The following EYS variants were observed in gnomAD, a reference collection of about 807,000 sequenced individuals.
The protein encoded by EYS is EGF-like photoreceptor maintenance factor.
Under a neutral mutation model 282.1 loss-of-function variants are expected in EYS, and 250 were observed. The observed-to-expected ratio is 0.89, with a 90% CI of 0.80 to 0.98. The LOEUF is 0.98. EYS is among the 50% of genes least tolerant of loss of function. The pLI, the probability that EYS is intolerant of heterozygous loss-of-function variation, is 0.00. For synonymous variants in EYS, 1,355 were observed against 1,282.9 expected (o/e 1.06, Z -1.20); for missense variants, 4,016 against 3,709.0 (o/e 1.08, Z -2.15).
chr6:65,672,234 G>A (rs931010694), intron 1 of EYS, among the ~76,000 whole-genome samples: 5 of 152,072 alleles, frequency 3.3e-5, no homozygotes, highest in African/African-American at 9.7e-5. Flanking sequence ...TTGTTTACTT[G>A]CTAGTCTCAG....
chr6:64,391,063 G>C (rs1460806969), intron 28 of EYS, among the ~76,000 whole-genome samples: 6 of 152,098 alleles, frequency 3.9e-5, no homozygotes, highest in Non-Finnish European at 7.4e-5. Context: ...AGCGAGAAGG[G>C]AAGTTTAGAG....
chr6:65,699,516 T>C (rs1197267840), intron 1 of EYS, among the ~76,000 whole-genome samples: 4 of 152,268 alleles, frequency 2.6e-5, no homozygotes, highest in Middle Eastern at 3.4e-3. Context: ...ATGTAAGTAG[T>C]AGTCATGTAC....
In EYS at chr6:65,257,946, G is replaced by A. The variant is rs537691724; in HGVS notation, c.2023+37917C>T. Among the ~76,000 whole-genome samples, 26 of 152,042 alleles carry A rather than the reference G, an allele frequency of 1.7e-4. No homozygotes were observed. In the East Asian group the frequency reaches 4.9e-3, roughly 28 times the overall value. On this transcript the variant is annotated intron_variant, in intron 12 of 42. Coordinates refer to ENST00000503581, the MANE Select transcript of EYS (RefSeq NM_001142800.2). ...GTATTGATAGCATGATCAGGTGACT[G>A]TAGTCAACAAGAAATTATTGTACAT...
At chr6:64,979,820 A>G (rs1331991727) in intron 14 of EYS, among the ~76,000 whole-genome samples, 1 of 151,678 alleles carries the variant, frequency 6.6e-6, no homozygotes, top group Non-Finnish European at 1.5e-5. Flanking sequence ...TAAAAGATAT[A>G]CTATTGTATA....
chr6:65,341,185 T>C (rs1360394799), intron 10 of EYS, among the ~76,000 whole-genome samples: 6 of 151,194 alleles, frequency 4.0e-5, no homozygotes, highest in Non-Finnish European at 5.9e-5. Flanking sequence ...ATCACATCAC[T>C]CTGGTGTTCC....
At chr6:65,088,713 A>T (rs554072374) in intron 12 of EYS, among the ~76,000 whole-genome samples, 1 of 152,180 alleles carries the variant, frequency 6.6e-6, no homozygotes, top group Non-Finnish European at 1.5e-5. Flanking sequence ...CCCAATGATA[A>T]TCACCAAGAC....
chr6:64,714,411 AT>A (rs1771307249), intron 22 of EYS, among the ~76,000 whole-genome samples: 1 of 152,136 alleles, frequency 6.6e-6, no homozygotes, highest in Non-Finnish European at 1.5e-5. Context: ...GACATAATAG[AT>A]TTCACTGTCA....
At chr6:64,215,853 T>C (rs1442577911) in intron 31 of EYS, among the ~76,000 whole-genome samples, 1 of 152,114 alleles carries the variant, frequency 6.6e-6, no homozygotes, top group Non-Finnish European at 1.5e-5. Context: ...TAGGATACTA[T>C]AGAAGTGTAG....
intron 1 of EYS, among the ~76,000 whole-genome samples, chr6:65,644,661 G>A (rs2149815159): frequency 6.6e-6 from 1 of 152,312 alleles, no homozygotes; most frequent in East Asian, 1.9e-4. Flanking sequence ...ACAGCAGTGA[G>A]GCAAAAGCAT....
intron 30 of EYS, among the ~76,000 whole-genome samples, chr6:64,292,839 A>C (rs905807429): frequency 1.3e-5 from 2 of 152,126 alleles, no homozygotes; most frequent in Non-Finnish European, 2.9e-5. Context: ...GAGGATTTAA[A>C]AAATATACAT....
At chr6:65,521,883 G>T (rs1297372012) in intron 2 of EYS, among the ~76,000 whole-genome samples, 1 of 152,024 alleles carries the variant, frequency 6.6e-6, no homozygotes, top group African/African-American at 2.4e-5. Context: ...GTATATAACG[G>T]ATGTTTTAAA....
rs187711836 is a variant in EYS at position 63,878,819 on chromosome 6, A to G, written c.7056-14461T>C. On this transcript the variant is annotated intron_variant, in intron 35 of 42. Transcript: ENST00000503581. Reference sequence around the variant, plus strand: ...TCCTGGTGTGCCATTTGCTAAGACCATTGGAAAAGTGCAGTATTAGGGTGG... The same window carrying G: ...TCCTGGTGTGCCATTTGCTAAGACCGTTGGAAAAGTGCAGTATTAGGGTGG... Among the ~76,000 whole-genome samples, 431 of 152,236 alleles carry G rather than the reference A, an allele frequency of 2.8e-3. 2 individuals are homozygous for G. The highest frequency in any genetic ancestry group is 0.014 in the Middle Eastern group (4 of 294).
chr6:64,345,149 C>T (rs199550925), intron 29 of EYS, among the ~76,000 whole-genome samples: 2,375 of 152,122 alleles, frequency 0.016, 19 homozygotes, highest in South Asian at 0.033. Flanking sequence ...GATTCAATGC[C>T]ATCCCCATCA....
rs554555139 is a variant in EYS at position 64,859,786 on chromosome 6, C to T, written c.2992+26911G>A. Reference sequence around the variant, plus strand: ...CCAGTCTTGGTTATGTCTTTATCAGCAGCATGAAAACAGACTAATACAAAT... The same window carrying T: ...CCAGTCTTGGTTATGTCTTTATCAGTAGCATGAAAACAGACTAATACAAAT... On this transcript the variant is annotated intron_variant, in intron 19 of 42. Transcript: ENST00000503581. Among the ~76,000 whole-genome samples the T allele has an allele frequency of 5.1e-4, 77 of 152,270 alleles. 1 individual carries two copies. The highest frequency in any genetic ancestry group is 1.8e-3 in the African/African-American group (74 of 41,566).
At chr6:64,479,741 T>C (rs1437665975) in intron 26 of EYS, among the ~76,000 whole-genome samples, 1 of 151,946 alleles carries the variant, frequency 6.6e-6, no homozygotes, top group African/African-American at 2.4e-5. Flanking sequence ...GATACTGAAT[T>C]ATTTCTGTAG....
chr6:65,409,793 T>TA (rs1364812085), intron 5 of EYS, among the ~76,000 whole-genome samples: 1 of 152,096 alleles, frequency 6.6e-6, no homozygotes, highest in African/African-American at 2.4e-5. Context: ...AGTGACAACT[T>TA]ACTAGCCAGA....
chr6:64,910,511 T>C (rs148799514), intron 16 of EYS, among the ~76,000 whole-genome samples: 78 of 152,218 alleles, frequency 5.1e-4, no homozygotes, highest in African/African-American at 1.8e-3. Flanking sequence ...ATGATGTGCA[T>C]TTCAAGTATC....
intron 35 of EYS, among the ~76,000 whole-genome samples, chr6:63,883,713 C>CT (rs1186813047): frequency 2.6e-5 from 4 of 152,196 alleles, no homozygotes; most frequent in African/African-American, 9.6e-5. Flanking sequence ...ATAACCTCTG[C>CT]TTTTGGGGGA....
intron 5 of EYS, among the ~76,000 whole-genome samples, chr6:65,414,619 T>C (rs1767160363): frequency 6.6e-6 from 1 of 152,094 alleles, no homozygotes; most frequent in South Asian, 2.1e-4. Context: ...AAAGGATTAA[T>C]CTTTTCTAAG....
Sources: allele counts gnomAD v4.1 joint callset (sites outside exome capture counted in the v4.1 genomes callset), GRCh38; gene constraint gnomAD v4.1.1; transcripts MANE v1.5; gene names NCBI Gene and HGNC (gene_info 2026-07-23, HGNC 2026-07-21).